The following SCHIP1 variants were observed in gnomAD, a reference collection of about 807,000 sequenced individuals.
SCHIP1 encodes schwannomin-interacting protein 1.
A neutral mutation model predicts 29.7 loss-of-function variants in SCHIP1; 8 were observed. The observed-to-expected ratio is 0.27, with a 90% CI of 0.16 to 0.49. SCHIP1 has a LOEUF of 0.49. SCHIP1 is among the 20% of genes least tolerant of loss of function. The pLI is 0.99. For missense variants in SCHIP1, 193 were observed against 294.6 expected, an observed-to-expected ratio of 0.66 and a Z score of 2.52; for synonymous variants, 76 against 94.9, an observed-to-expected ratio of 0.80 and a Z score of 1.16.
the SCHIP1 span, among the ~76,000 whole-genome samples, chr3:159,695,088 T>C: frequency 1.3e-5 from 2 of 152,242 alleles, no homozygotes; most frequent in African/African-American, 4.8e-5. Flanking sequence ...GGTGTTCATT[T>C]ATTAATAGAT....
chr3:159,456,622 G>A, the SCHIP1 span, among the ~76,000 whole-genome samples: 82 of 152,298 alleles, frequency 5.4e-4, 2 homozygotes, highest in Admixed American at 4.6e-3. Flanking sequence ...GGAAGAGGGC[G>A]GAAGAGCACT....
chr3:159,625,533 T>C, the SCHIP1 span, among the ~76,000 whole-genome samples: 3 of 152,194 alleles, frequency 2.0e-5, no homozygotes, highest in Non-Finnish European at 1.5e-5. Flanking sequence ...ATCTTTTTTC[T>C]CTTCTCTTTA....
At chr3:159,394,483 G>T in the SCHIP1 span, among the ~76,000 whole-genome samples, 3 of 152,144 alleles carry the variant, frequency 2.0e-5, no homozygotes, top group South Asian at 2.1e-4. Flanking sequence ...TTTTGAAATA[G>T]GTCCCATCAA....
chr3:159,548,115 G>A, the SCHIP1 span, among the ~76,000 whole-genome samples: 1 of 151,938 alleles, frequency 6.6e-6, no homozygotes, highest in Non-Finnish European at 1.5e-5. Flanking sequence ...ATGTTTATGA[G>A]TAAGTTTGGC....
chr3:159,587,744 T>C, the SCHIP1 span, among the ~76,000 whole-genome samples: 2 of 152,156 alleles, frequency 1.3e-5, no homozygotes, highest in East Asian at 3.9e-4. Flanking sequence ...CCTGTGTTAG[T>C]TGCTGAGAAT....
the SCHIP1 span, among the ~76,000 whole-genome samples, chr3:159,728,002 G>GTT: frequency 1.3e-4 from 16 of 125,070 alleles, no homozygotes; most frequent in Non-Finnish European, 2.0e-4. Flanking sequence ...TCCTGTTTTT[G>GTT]TTTTTTTTTT....
chr3:159,457,944 G>C, the SCHIP1 span, among the ~76,000 whole-genome samples: 1 of 152,096 alleles, frequency 6.6e-6, no homozygotes, highest in South Asian at 2.1e-4. Flanking sequence ...ATTATGGAAG[G>C]CAAAACCACA....
At chr3:159,528,717 A>C in the SCHIP1 span, among the ~76,000 whole-genome samples, 1 of 152,220 alleles carries the variant, frequency 6.6e-6, no homozygotes, top group South Asian at 2.1e-4. Context: ...GGGTTTGGGC[A>C]GCTGCCTGCA....
the SCHIP1 span, among the ~76,000 whole-genome samples, chr3:159,693,362 AAG>A: frequency 9.2e-5 from 14 of 152,300 alleles, no homozygotes; most frequent in Admixed American, 8.5e-4. Flanking sequence ...TATATATGCA[AAG>A]AGAGTAAATG....
At chr3:159,838,976 A>G (rs1015835885), upstream of SCHIP1, among the ~76,000 whole-genome samples, 2 of 152,012 alleles carry the variant, frequency 1.3e-5, no homozygotes, top group Non-Finnish European at 2.9e-5. Flanking sequence ...AATATAAATA[A>G]GAAAATTTTA....
intron 5 of SCHIP1, among the ~76,000 whole-genome samples, chr3:159,891,409 G>A (rs1183935165): frequency 6.6e-6 from 1 of 151,250 alleles, no homozygotes; most frequent in African/African-American, 2.4e-5. Context: ...AGGGAGGGAG[G>A]AAGGGAGCGA....
the SCHIP1 span, among the ~76,000 whole-genome samples, chr3:159,398,148 C>T: frequency 6.6e-6 from 1 of 152,328 alleles, no homozygotes; most frequent in East Asian, 1.9e-4. Context: ...ACCCTTTGCG[C>T]TTCCCGAGTG....
chr3:159,387,205 A>C, the SCHIP1 span: 1 of 185,306 alleles, frequency 5.4e-6, no homozygotes, highest in Admixed American at 6.1e-5. Context: ...TGAAACATTT[A>C]ACACCCAGAT....
chr3:159,303,044 T>C, the SCHIP1 span, among the ~76,000 whole-genome samples: 3 of 152,030 alleles, frequency 2.0e-5, no homozygotes, highest in African/African-American at 4.8e-5. Context: ...AACTGAGACA[T>C]AGTAAGGGTA....
the SCHIP1 span, among the ~76,000 whole-genome samples, chr3:159,356,622 T>C: frequency 1.3e-5 from 2 of 152,196 alleles, no homozygotes; most frequent in Non-Finnish European, 2.9e-5. Context: ...AATTAGACAT[T>C]TCTGACAGTG....
the SCHIP1 span, among the ~76,000 whole-genome samples, chr3:159,583,836 T>G: frequency 6.6e-6 from 1 of 152,190 alleles, no homozygotes; most frequent in African/African-American, 2.4e-5. Context: ...TTGTCCTCTC[T>G]TGCTCCTTGG....
the SCHIP1 span, among the ~76,000 whole-genome samples, chr3:159,442,198 C>G: frequency 2.6e-5 from 4 of 152,106 alleles, no homozygotes; most frequent in African/African-American, 9.7e-5. Context: ...GAAACAGACT[C>G]TAGGTTGAGC....
At chr3:159,750,226 C>T in the SCHIP1 span, among the ~76,000 whole-genome samples, 3 of 144,990 alleles carry the variant, frequency 2.1e-5, no homozygotes, top group African/African-American at 7.9e-5. Flanking sequence ...ATGCACTGGT[C>T]AAAAAGCCAA....
At chr3:159,405,147 A>T in the SCHIP1 span, among the ~76,000 whole-genome samples, 1 of 152,150 alleles carries the variant, frequency 6.6e-6, no homozygotes, top group East Asian at 1.9e-4. Flanking sequence ...GTCTTTGAAC[A>T]CCCGAAAGCC....
Sources: allele counts gnomAD v4.1 joint callset (sites outside exome capture counted in the v4.1 genomes callset), GRCh38; gene constraint gnomAD v4.1.1; transcripts MANE v1.5; gene names NCBI Gene and HGNC (gene_info 2026-07-23, HGNC 2026-07-21).